The following PLCL2 variants were observed in gnomAD, a reference collection of about 807,000 sequenced individuals.
PLCL2 encodes inactive phospholipase C-like protein 2.
In PLCL2, 4 loss-of-function variants were observed where a neutral mutation model predicts 79.6. The ratio of observed to expected loss-of-function variants is 0.05; its 90% CI spans 0.02 to 0.11. The LOEUF (loss-of-function observed/expected upper bound fraction) is 0.11. Ranked by LOEUF, PLCL2 falls within the 10% of genes least tolerant of loss-of-function variation. The pLI, the probability that PLCL2 is intolerant of heterozygous loss-of-function variation, is 1.00. For synonymous variants in PLCL2, 484 were observed against 457.7 expected, an observed-to-expected ratio of 1.06 and a Z score of -0.73; for missense variants, 895 against 1,291.0, an observed-to-expected ratio of 0.69 and a Z score of 4.70.
intron 1 of PLCL2, among the ~76,000 whole-genome samples, chr3:16,910,722 T>C (rs1176881390): frequency 6.6e-6 from 1 of 152,116 alleles, no homozygotes; most frequent in Non-Finnish European, 1.5e-5. Flanking sequence ...CACTATATCC[T>C]ACTAGATCTT....
chr3:17,005,479 C>A (rs987972192), intron 1 of PLCL2, among the ~76,000 whole-genome samples: 10 of 152,134 alleles, frequency 6.6e-5, no homozygotes, highest in African/African-American at 2.4e-4. Context: ...TTAGTGACAG[C>A]CTTCTATTAA....
intron 1 of PLCL2, among the ~76,000 whole-genome samples, chr3:17,004,033 T>A (rs2064235692): frequency 6.6e-6 from 1 of 152,178 alleles, no homozygotes; most frequent in Non-Finnish European, 1.5e-5. Context: ...CTTACCTGCT[T>A]CCATGGTGGC....
chr3:16,904,598 C>T (rs1696709285), intron 1 of PLCL2, among the ~76,000 whole-genome samples: 1 of 152,052 alleles, frequency 6.6e-6, no homozygotes, highest in Non-Finnish European at 1.5e-5. Context: ...CCTGGAAGCA[C>T]AGCCTGGAAG....
At chr3:17,084,780 C>G (rs900105882) in intron 5 of PLCL2, among the ~76,000 whole-genome samples, 2 of 152,122 alleles carry the variant, frequency 1.3e-5, no homozygotes, top group Admixed American at 1.3e-4. Flanking sequence ...CCTTACTCAA[C>G]TTGATAAGGA....
intron 1 of PLCL2, among the ~76,000 whole-genome samples, chr3:16,939,621 A>C (rs1697629543): frequency 6.6e-6 from 1 of 152,272 alleles, no homozygotes; most frequent in Admixed American, 6.5e-5. Flanking sequence ...ACAATAAAAA[A>C]GTAGTTATTT....
chr3:16,937,491 G>A (rs767041710), intron 1 of PLCL2, among the ~76,000 whole-genome samples: 18 of 152,176 alleles, frequency 1.2e-4, no homozygotes, highest in East Asian at 3.8e-4. Context: ...GTTATTTGCT[G>A]TGCTAATAGC....
rs13315007 is a variant in PLCL2 at position 16,994,767 on chromosome 3, C to T, written c.328-14907C>T. ...TTGATATTTAGCTTCTGACATCCCC[C>T]TTCTACCACCGTGTTCCCTTTGTGA... On this transcript the variant is annotated intron_variant, in intron 1 of 5. Coordinates refer to ENST00000615277, the MANE Select transcript of PLCL2 (RefSeq NM_001144382.2). 2.3e-3 allele frequency among the ~76,000 whole-genome samples: 343 copies of T among 152,298 alleles called. 2 individuals carry two copies. Among genetic ancestry groups the T allele is most frequent in the African/African-American group, 7.7e-3 (321 of 41,560 alleles).
intron 4 of PLCL2, among the ~76,000 whole-genome samples, chr3:17,058,265 G>A (rs1305957094): frequency 6.6e-6 from 1 of 152,196 alleles, no homozygotes; most frequent in Admixed American, 6.5e-5. Context: ...GGAAAAACAG[G>A]AACAGCAAAT....
intron 4 of PLCL2, 33 bp from the exon 5 acceptor site, chr3:17,067,923 G>A: frequency 1.6e-6 from 2 of 1,233,880 alleles, no homozygotes; most frequent in East Asian, 4.7e-5. Flanking sequence ...TTGGATGGGA[G>A]TTAATATACT....
intron 1 of PLCL2, among the ~76,000 whole-genome samples, chr3:16,970,291 A>T (rs1014445654): frequency 6.6e-6 from 1 of 150,778 alleles, no homozygotes; most frequent in African/African-American, 2.4e-5. Flanking sequence ...AATTCCCACC[A>T]ATAAGTGAGA....
chr3:17,081,406 T>G (rs1483508714), intron 5 of PLCL2: 1 of 350,646 alleles, frequency 2.9e-6, no homozygotes, highest in Non-Finnish European at 5.7e-6. Context: ...GCTGCCGCAC[T>G]GGATCCCTCA....
chr3:16,954,661 T>G (rs890633664), intron 1 of PLCL2, among the ~76,000 whole-genome samples: 3 of 152,180 alleles, frequency 2.0e-5, no homozygotes, highest in African/African-American at 7.2e-5. Flanking sequence ...AAAGTGTTCC[T>G]ATTTCTCCAC....
intron 1 of PLCL2, among the ~76,000 whole-genome samples, chr3:16,980,211 A>C (rs1575567841): frequency 3.8e-5 from 4 of 104,056 alleles, no homozygotes; most frequent in Non-Finnish European, 6.1e-5. Flanking sequence ...ACTTCCCAGT[A>C]GGGGTGGCCG....
chr3:17,081,797 C>T (rs1481080628), intron 5 of PLCL2, among the ~76,000 whole-genome samples: 4 of 152,248 alleles, frequency 2.6e-5, no homozygotes, highest in African/African-American at 4.8e-5. Context: ...GCAGCAAGAG[C>T]TGCTGGGATC....
chr3:16,994,849 C>G (rs2064137826), intron 1 of PLCL2, among the ~76,000 whole-genome samples: 1 of 152,140 alleles, frequency 6.6e-6, no homozygotes. Flanking sequence ...TTACATCCAG[C>G]AAATAATCCC....
At chr3:16,943,519 G>C (rs1168648961) in intron 1 of PLCL2, among the ~76,000 whole-genome samples, 1 of 152,142 alleles carries the variant, frequency 6.6e-6, no homozygotes, top group Non-Finnish European at 1.5e-5. Flanking sequence ...TACAAACAAT[G>C]CATATTTACT....
intron 5 of PLCL2, among the ~76,000 whole-genome samples, chr3:17,085,679 G>T (rs1050562524): frequency 6.6e-6 from 1 of 151,938 alleles, no homozygotes; most frequent in Admixed American, 6.6e-5. Flanking sequence ...TCGATCTCCT[G>T]ACCTCATGAT....
intron 4 of PLCL2, among the ~76,000 whole-genome samples, chr3:17,062,272 C>A (rs997207541): frequency 2.0e-5 from 3 of 152,200 alleles, no homozygotes; most frequent in African/African-American, 7.2e-5. Context: ...TTATTGGATT[C>A]ATGTAATATG....
intron 1 of PLCL2, among the ~76,000 whole-genome samples, chr3:16,947,313 G>A (rs995615740): frequency 6.6e-6 from 1 of 152,134 alleles, no homozygotes; most frequent in African/African-American, 2.4e-5. Flanking sequence ...TGCTAAAAGA[G>A]CAGTAAATAA....
Sources: gnomAD v4.1 joint callset for allele counts (sites outside exome capture counted in the v4.1 genomes callset) on GRCh38, gnomAD v4.1.1 for gene constraint, MANE v1.5 for transcripts, NCBI Gene and HGNC (gene_info 2026-07-23, HGNC 2026-07-21) for gene names.